Variants in DNMT3A observed in about 807,000 individuals in gnomAD.
DNMT3A encodes the protein DNA (cytosine-5)-methyltransferase 3A.
A neutral mutation model predicts 117.6 loss-of-function variants in DNMT3A; 267 were observed. The observed-to-expected ratio is 2.27, with a 90% CI of 2.05 to 2.51. The LOEUF is 2.51. Among genes scored for constraint, DNMT3A ranks in the 30% most tolerant of loss-of-function variants. The pLI is 0.00. For missense variants in DNMT3A, 1,029 were observed against 1,260.2 expected (o/e 0.82, Z 2.78); for synonymous variants, 432 against 474.8 (o/e 0.91, Z 1.17).
intron 1 of DNMT3A, among the ~76,000 whole-genome samples, chr2:25,332,516 G>A (rs1156255402): frequency 6.6e-6 from 1 of 152,234 alleles, no homozygotes; most frequent in Non-Finnish European, 1.5e-5. Context: ...CCTGTGTCTG[G>A]CACACAGTAG....
chr2:25,260,061 C>T (rs561764571), intron 6 of DNMT3A, among the ~76,000 whole-genome samples: 2 of 152,174 alleles, frequency 1.3e-5, no homozygotes, highest in East Asian at 1.9e-4. Context: ...ATCAATTACC[C>T]GGAGAGCTTG....
rs76033907 is a variant in DNMT3A at position 25,272,466 on chromosome 2, G to A, written c.639+2475C>T. Reference sequence around the variant, plus strand: ...TCATGGAATTTCTGAAAGTTCTTCCGGTTCCTAAAAGTCATAGTCTAAGCT... The same window carrying A: ...TCATGGAATTTCTGAAAGTTCTTCCAGTTCCTAAAAGTCATAGTCTAAGCT... On this transcript the variant is annotated intron_variant, in intron 6 of 22. Transcript: ENST00000321117. Among the ~76,000 whole-genome samples the A allele has an allele frequency of 4.4e-3, 676 of 152,238 alleles. 1 individual carries two copies. The highest frequency in any genetic ancestry group is 0.014 in the South Asian group (69 of 4,824).
chr2:25,230,640 G>T lies in DNMT3A; in HGVS notation c.*3639C>A, dbSNP rs1186641809. 1.3e-5 allele frequency: 2 copies of T among 152,462 alleles called. No homozygotes were observed. Among genetic ancestry groups the T allele is most frequent in the Non-Finnish European group, 2.9e-5 (2 of 68,256 alleles). The allele number at this position is 152,462 out of a possible 1,614,324, so 9.4% of individuals were successfully genotyped here. A position where few individuals can be genotyped will look rare whatever the true frequency, so the allele number is the denominator to read the frequency against. On this transcript the variant is annotated 3_prime_UTR_variant, in exon 23 of 23. Transcript: ENST00000321117. ...AGGTGACCCAATACCTGTCCCCAGA[G>T]GCCCCAGCGTTGAGGTGGATTAAGC... is the stretch of plus-strand genomic sequence containing the variant.
chr2:25,290,926 G>A (rs540317677), intron 3 of DNMT3A, among the ~76,000 whole-genome samples: 1 of 152,318 alleles, frequency 6.6e-6, no homozygotes, highest in South Asian at 2.1e-4. Flanking sequence ...TGGTCACCCA[G>A]AGGGCCGGGC....
chr2:25,273,627 C>T (rs953240495), intron 6 of DNMT3A, among the ~76,000 whole-genome samples: 4 of 152,266 alleles, frequency 2.6e-5, no homozygotes, highest in African/African-American at 7.2e-5. Context: ...AAAAATTGTG[C>T]GTGGCGAGTT....
At chr2:25,321,127 C>G (rs2034580939) in intron 1 of DNMT3A, among the ~76,000 whole-genome samples, 1 of 151,480 alleles carries the variant, frequency 6.6e-6, no homozygotes, top group Non-Finnish European at 1.5e-5. Flanking sequence ...AAGCGAAACT[C>G]CGTCTCAAAA....
intron 2 of DNMT3A, among the ~76,000 whole-genome samples, chr2:25,313,033 G>T (rs1171334976): frequency 2.6e-5 from 4 of 152,214 alleles, no homozygotes; most frequent in Non-Finnish European, 4.4e-5. Context: ...GAAGGCCTAT[G>T]GCCATCATAA....
Position 25,241,561 on chromosome 2 carries a change from C to T in DNMT3A, c.2082+1G>A, listed in dbSNP as rs766397390. On this transcript the variant is annotated splice_donor_variant, in intron 17 of 22. Transcript: ENST00000321117. LOFTEE classifies it high-confidence loss of function. ...GGCTGCGCCCCACAGCATGGACATA[C>T]ATGCTTCTGTGTGACGCTGCGGACG... 5.0e-6 allele frequency: 8 copies of T among 1,612,648 alleles called. No individual in the cohort carries two copies. Among genetic ancestry groups the T allele is most frequent in the African/African-American group, 1.3e-5 (1 of 74,854 alleles).
At chr2:25,338,585 C>T (rs995531898) in intron 1 of DNMT3A, among the ~76,000 whole-genome samples, 2 of 152,144 alleles carry the variant, frequency 1.3e-5, no homozygotes, top group Admixed American at 6.5e-5. Flanking sequence ...GAGGGCAGTG[C>T]GCTCCCCTCG....
chr2:25,234,852 G>C lies in DNMT3A; in HGVS notation c.2598-432C>G, dbSNP rs1261720042. ...GTAGCCCTAGCATCCTCCCCATCAA[G>C]AGCAGGGAAGGCGAAAAAGGAGCCG... On this transcript the variant is annotated intron_variant, in intron 22 of 22. Coordinates refer to ENST00000321117, the MANE Select transcript of DNMT3A (RefSeq NM_022552.5). The surrounding 1 kb of genome is among the most constrained non-coding windows in gnomAD (Gnocchi z 4.5). Among the ~76,000 whole-genome samples, 2 of 152,154 alleles carry C rather than the reference G, an allele frequency of 1.3e-5. No homozygotes were observed. Among genetic ancestry groups the C allele is most frequent in the Non-Finnish European group, 2.9e-5 (2 of 68,024 alleles).
At chr2:25,275,194 G>T in intron 5 of DNMT3A, 107 bp from the exon 6 acceptor site, 1 of 1,413,168 alleles carries the variant, frequency 7.1e-7, no homozygotes, top group South Asian at 1.5e-5. Flanking sequence ...GGCCAGAGAG[G>T]GCACCCCTGG....
intron 1 of DNMT3A, among the ~76,000 whole-genome samples, chr2:25,332,484 G>A (rs974900762): frequency 6.6e-6 from 1 of 152,252 alleles, no homozygotes; most frequent in Non-Finnish European, 1.5e-5. Flanking sequence ...TGAGATGAGT[G>A]TGACCCCCTT....
chr2:25,312,982 G>C (rs560340115), intron 2 of DNMT3A, among the ~76,000 whole-genome samples: 60 of 148,104 alleles, frequency 4.1e-4, no homozygotes, highest in East Asian at 1.7e-3. Context: ...GGAGCAGGCA[G>C]GGGGAACTGT....
At chr2:25,299,035 AT>A in intron 3 of DNMT3A, among the ~76,000 whole-genome samples, 1 of 151,624 alleles carries the variant, frequency 6.6e-6, no homozygotes, top group Non-Finnish European at 1.5e-5. Flanking sequence ...TGCTGAGAAC[AT>A]TTCTTTGAAG....
intron 1 of DNMT3A, among the ~76,000 whole-genome samples, chr2:25,332,094 A>G (rs2035033982): frequency 6.6e-6 from 1 of 152,002 alleles, no homozygotes; most frequent in Admixed American, 6.5e-5. Context: ...CCAGCCTTCC[A>G]CCCGGGCTCC....
chr2:25,247,421 A>G lies in DNMT3A; in HGVS notation c.1014+170T>C. ...CCAGCATCCTAGCTCTCTGAGCCAC[A>G]GGTGCAACCTAATTATCCCTACAGC... On this transcript the variant is annotated intron_variant, in intron 8 of 22. Coordinates refer to ENST00000321117, the MANE Select transcript of DNMT3A (RefSeq NM_022552.5). This position sits in a 1 kb window ranked among gnomAD's most constrained non-coding sequence, Gnocchi z 5.6. 2 of 1,091,602 alleles carry G rather than the reference A, an allele frequency of 1.8e-6. No individual in the cohort carries two copies. The highest frequency in any genetic ancestry group is 1.3e-6 in the Non-Finnish European group (1 of 775,422). The allele number at this position is 1,091,602 out of a possible 1,614,324, so 67.6% of individuals were successfully genotyped here.
In DNMT3A at chr2:25,252,630, G is replaced by A. The variant is rs1387807372; in HGVS notation, c.640-4378C>T. On this transcript the variant is annotated intron_variant, in intron 6 of 22. Coordinates refer to ENST00000321117, the MANE Select transcript of DNMT3A (RefSeq NM_022552.5). This position sits in a 1 kb window ranked among gnomAD's most constrained non-coding sequence, Gnocchi z 5.5. The stretch of plus-strand genomic sequence containing the variant: ...GAGATTAGCGCGGGGCCGGGGGGCC[G>A]GGAGGGGAGGGAAGGGGCTGCTCCC... 6.6e-6 allele frequency among the ~76,000 whole-genome samples: 1 copy of A among 152,074 alleles called. No homozygotes were observed. The highest frequency in any genetic ancestry group is 1.5e-5 in the Non-Finnish European group (1 of 67,966).
intron 4 of DNMT3A, among the ~76,000 whole-genome samples, chr2:25,277,182 G>A (rs1573408235): frequency 6.6e-6 from 1 of 152,186 alleles, no homozygotes; most frequent in Non-Finnish European, 1.5e-5. Flanking sequence ...GCACTCGCCA[G>A]CGCTTTGTTC....
intron 6 of DNMT3A, among the ~76,000 whole-genome samples, chr2:25,271,150 G>C (rs2030860470): frequency 1.3e-5 from 2 of 151,584 alleles, no homozygotes; most frequent in South Asian, 4.2e-4. Context: ...TTCAAGACCA[G>C]CCTGACCAAC....
Sources: gnomAD v4.1 joint callset for allele counts (sites outside exome capture counted in the v4.1 genomes callset) on GRCh38, gnomAD v4.1.1 for gene constraint, Gnocchi (gnomAD v3.1) non-coding constraint, MANE v1.5 for transcripts, NCBI Gene and HGNC (gene_info 2026-07-23, HGNC 2026-07-21) for gene names.